The following PCDHGA5 variants were observed in gnomAD, a reference collection of about 807,000 sequenced individuals.
PCDHGA5 encodes protocadherin gamma subfamily A, 5.
A neutral mutation model predicts 56.7 loss-of-function variants in PCDHGA5; 36 were observed. The ratio of observed to expected loss-of-function variants is 0.64; its 90% CI spans 0.49 to 0.84. The LOEUF (loss-of-function observed/expected upper bound fraction) is 0.84. PCDHGA5 is among the 40% of genes least tolerant of loss of function. The pLI is 0.00. For synonymous variants in PCDHGA5, 563 were observed against 520.2 expected, an observed-to-expected ratio of 1.08 and a Z score of -1.12; for missense variants, 1,305 against 1,201.5, an observed-to-expected ratio of 1.09 and a Z score of -1.27.
chr5:141,452,884 A>C (rs746547069), intron 1 of PCDHGA5, among the ~76,000 whole-genome samples: 1 of 152,204 alleles, frequency 6.6e-6, no homozygotes, highest in Non-Finnish European at 1.5e-5. Flanking sequence ...GTAATAATTT[A>C]TTCCACTTTT....
rs952946348 is a variant in PCDHGA5 at position 141,365,654 on chromosome 5, G to C, written c.1324G>C (p.Val442Leu). The change falls in exon 1 of 4, where the codon GTA becomes CTA. Residue 442 changes from valine to leucine, a missense_variant. Coordinates refer to ENST00000518069, the MANE Select transcript of PCDHGA5 (RefSeq NM_018918.3). The part of the protein sequence containing the change: ...LSTESHIPLK[V>L]ADVNDNPPNF... ...TACAGAAAGCCACATCCCCTTGAAA[G>C]TAGCAGACGTTAATGACAACCCACC... 1.9e-6 allele frequency: 3 copies of C among 1,613,496 alleles called. No individual in the cohort carries two copies. Among genetic ancestry groups the C allele is most frequent in the Non-Finnish European group, 1.7e-6 (2 of 1,179,804 alleles).
rs368105487 is a variant in PCDHGA5 at position 141,489,478 on chromosome 5, A to G, written c.2422-5329A>G. On this transcript the variant is annotated intron_variant, in intron 1 of 3. Transcript: ENST00000518069. This position sits in a 1 kb window ranked among gnomAD's most constrained non-coding sequence, Gnocchi z 4.5. Reference sequence around the variant, plus strand: ...TGGGCGCTATTTTTCCCTGAGCTTGATGAGTGGTGCCCTGGCAGTGAATCA... The same window carrying G: ...TGGGCGCTATTTTTCCCTGAGCTTGGTGAGTGGTGCCCTGGCAGTGAATCA... The G allele has an allele frequency of 1.1e-5, 18 of 1,613,956 alleles. No individual in the cohort carries two copies. The highest frequency in any genetic ancestry group is 1.5e-5 in the Non-Finnish European group (18 of 1,180,030).
At chr5:141,382,093 T>C (rs1420552886) in intron 1 of PCDHGA5, among the ~76,000 whole-genome samples, 1 of 152,090 alleles carries the variant, frequency 6.6e-6, no homozygotes, top group Non-Finnish European at 1.5e-5. Context: ...CCTCACAAAG[T>C]GTGGGATTAC....
chr5:141,502,655 C>T (rs72790073), intron 2 of PCDHGA5, among the ~76,000 whole-genome samples: 29,437 of 152,034 alleles, frequency 0.19, 2,877 homozygotes, highest in Middle Eastern at 0.24. Context: ...AGGCAGCAAC[C>T]CTTCATGCAA....
At chr5:141,509,544 A>AT (rs1312201678) in intron 3 of PCDHGA5, among the ~76,000 whole-genome samples, 1 of 152,150 alleles carries the variant, frequency 6.6e-6, no homozygotes, top group Non-Finnish European at 1.5e-5. Context: ...GCACCATCTC[A>AT]TTTAGTCCTC....
intron 1 of PCDHGA5, chr5:141,372,218 T>G: frequency 3.1e-6 from 5 of 1,613,544 alleles, no homozygotes; most frequent in Non-Finnish European, 4.2e-6. Context: ...CCTACCACAT[T>G]GTGCAGGCCA....
At chr5:141,462,813 TTGG>T (rs1474162732) in intron 1 of PCDHGA5, among the ~76,000 whole-genome samples, 1 of 152,198 alleles carries the variant, frequency 6.6e-6, no homozygotes, top group African/African-American at 2.4e-5. Flanking sequence ...AATGTTTTTA[TTGG>T]ACAGCAGACA....
At chr5:141,406,531 C>T (rs1303471087) in intron 1 of PCDHGA5, among the ~76,000 whole-genome samples, 1 of 152,102 alleles carries the variant, frequency 6.6e-6, no homozygotes, top group African/African-American at 2.4e-5. Flanking sequence ...TATTTTCTGA[C>T]GAAGATTCAA....
chr5:141,383,810 T>C (rs879645741), intron 1 of PCDHGA5: 2 of 1,613,958 alleles, frequency 1.2e-6, no homozygotes, highest in Non-Finnish European at 8.5e-7. Context: ...ATATCAACTT[T>C]AGAAGGATTA....
rs757568006 is a variant in PCDHGA5 at position 141,389,895 on chromosome 5, C to A, written c.2421+23144C>A. 1.2e-5 allele frequency: 20 copies of A among 1,614,088 alleles called. No homozygotes were observed. In the Middle Eastern group the frequency reaches 2.0e-3, roughly 160 times the overall value. On this transcript the variant is annotated intron_variant, in intron 1 of 3. Coordinates refer to ENST00000518069, the MANE Select transcript of PCDHGA5 (RefSeq NM_018918.3). Reference sequence around the variant, plus strand: ...CGCCGACAGCTTGCAGGAGGTGCTGCCGGATATCACTGACCGCCCCGACCC... The same window carrying A: ...CGCCGACAGCTTGCAGGAGGTGCTGACGGATATCACTGACCGCCCCGACCC...
intron 1 of PCDHGA5, chr5:141,389,158 G>A (rs774342496): frequency 5.0e-6 from 8 of 1,613,850 alleles, no homozygotes; most frequent in African/African-American, 2.7e-5. Context: ...GCAACAGATC[G>A]GGGCAAGCCT....
At position 141,489,871 on chromosome 5, in the gene PCDHGA5, G is replaced by C; in HGVS notation, c.2422-4936G>C. ...TGAAGCCCAGGCAAGACATCAGCTGGTGCTTACTGCTGTGGATGGGGGGAC... is the reference window on the plus strand; with the variant it reads ...TGAAGCCCAGGCAAGACATCAGCTGCTGCTTACTGCTGTGGATGGGGGGAC... On this transcript the variant is annotated intron_variant, in intron 1 of 3. Coordinates refer to ENST00000518069, the MANE Select transcript of PCDHGA5 (RefSeq NM_018918.3). The surrounding 1 kb of genome is among the most constrained non-coding windows in gnomAD (Gnocchi z 4.5). 1 of 1,614,206 alleles carries C rather than the reference G, an allele frequency of 6.2e-7. No individual in the cohort carries two copies.
At chr5:141,508,961 A>C (rs991011427) in intron 3 of PCDHGA5, among the ~76,000 whole-genome samples, 2 of 151,978 alleles carry the variant, frequency 1.3e-5, no homozygotes, top group African/African-American at 4.8e-5. Context: ...TGTCAGCGGA[A>C]TGAAAGGGCT....
At chr5:141,419,104 C>T (rs756257411) in intron 1 of PCDHGA5, 75 of 1,613,732 alleles carry the variant, frequency 4.6e-5, no homozygotes, top group Non-Finnish European at 5.9e-5. Context: ...GGGAGCAGAC[C>T]CCAGAGTACA....
At chr5:141,372,507 C>G (rs1393188281) in intron 1 of PCDHGA5, 1 of 1,614,044 alleles carries the variant, frequency 6.2e-7, no homozygotes, top group Non-Finnish European at 8.5e-7. Context: ...GCTCTTCCTC[C>G]TCGCGGTGAT....
rs1165828230 is a variant in PCDHGA5, at chr5:141,511,464, C to T, written c.*291C>T. On this transcript the variant is annotated 3_prime_UTR_variant, in exon 4 of 4. Coordinates refer to ENST00000518069, the MANE Select transcript of PCDHGA5 (RefSeq NM_018918.3). ...ACACCAAGAACCATTTGCCACACCCCGTTTAGTTACAGCTGAACTCCTCCA... is the reference window on the plus strand; with the variant it reads ...ACACCAAGAACCATTTGCCACACCCTGTTTAGTTACAGCTGAACTCCTCCA... 9 of 538,254 alleles carry T rather than the reference C, an allele frequency of 1.7e-5. No individual in the cohort carries two copies. The highest frequency in any genetic ancestry group is 7.8e-5 in the East Asian group (2 of 25,720). 33.3% of individuals were successfully genotyped at this position (538,254 alleles called of 1,614,324 possible).
chr5:141,410,251 C>A (rs2095372140), intron 1 of PCDHGA5: 5 of 1,613,898 alleles, frequency 3.1e-6, no homozygotes, highest in African/African-American at 1.3e-5. Context: ...TACTCTCTGA[C>A]CCCCAGGCTG....
intron 1 of PCDHGA5, chr5:141,478,308 T>A: frequency 6.2e-7 from 1 of 1,614,050 alleles, no homozygotes; most frequent in Non-Finnish European, 8.5e-7. Context: ...CGAGCCCCGG[T>A]GAGCTCACTG....
chr5:141,404,000 A>T (rs758512396), intron 1 of PCDHGA5: 2 of 1,613,956 alleles, frequency 1.2e-6, no homozygotes, highest in South Asian at 1.1e-5. Context: ...AGTGACCATT[A>T]CATCTCTGTT....
Sources: allele counts gnomAD v4.1 joint callset (sites outside exome capture counted in the v4.1 genomes callset), GRCh38; gene constraint gnomAD v4.1.1; non-coding constraint Gnocchi (gnomAD v3.1); transcripts MANE v1.5; gene names NCBI Gene and HGNC (gene_info 2026-07-23, HGNC 2026-07-21).